SDHAF4: variants seen among roughly 807,000 people sequenced by gnomAD.
The protein encoded by SDHAF4 is succinate dehydrogenase complex assembly factor 4, also known as succinate dehydrogenase assembly factor 4, mitochondrial.
A neutral mutation model predicts 14.3 loss-of-function variants in SDHAF4; 14 were observed. The ratio of observed to expected loss-of-function variants is 0.98; its 90% CI spans 0.65 to 1.53. SDHAF4 has a LOEUF of 1.53. Ranked by LOEUF, SDHAF4 falls within the 40% of genes most tolerant of loss-of-function variation. The pLI is 0.00. For synonymous variants in SDHAF4, 63 were observed against 47.3 expected, an observed-to-expected ratio of 1.33 and a Z score of -1.36; for missense variants, 141 against 129.3, an observed-to-expected ratio of 1.09 and a Z score of -0.44.
At chr6:70,589,859 C>A (rs1385044320), downstream of SDHAF4, among the ~76,000 whole-genome samples, 1 of 152,138 alleles carries the variant, frequency 6.6e-6, no homozygotes, top group African/African-American at 2.4e-5. Context: ...ACTGGTGGGA[C>A]CTTAATTCCA....
chr6:70,582,209 G>A (rs1485091164), intron 2 of SDHAF4, among the ~76,000 whole-genome samples: 3 of 151,852 alleles, frequency 2.0e-5, no homozygotes, highest in Non-Finnish European at 4.4e-5. Flanking sequence ...CTACAGGCAC[G>A]CACCACCACA....
intron 2 of SDHAF4, among the ~76,000 whole-genome samples, chr6:70,585,652 C>G (rs924322126): frequency 6.6e-6 from 1 of 152,158 alleles, no homozygotes; most frequent in East Asian, 1.9e-4. Flanking sequence ...GTTAGAGAGG[C>G]CTTCAAGGGA....
At chr6:70,569,623 C>T (rs181567935) in intron 1 of SDHAF4, among the ~76,000 whole-genome samples, 2 of 152,280 alleles carry the variant, frequency 1.3e-5, no homozygotes, top group East Asian at 3.9e-4. Flanking sequence ...ACGTAAGTGT[C>T]AAATACCTCA....
intron 2 of SDHAF4, among the ~76,000 whole-genome samples, chr6:70,581,979 T>C (rs1053699097): frequency 2.6e-5 from 4 of 152,172 alleles, no homozygotes; most frequent in African/African-American, 9.7e-5. Context: ...CTCCTCTGCC[T>C]CCGCCCAACA....
chr6:70,580,818 G>A (rs368687087), intron 2 of SDHAF4, among the ~76,000 whole-genome samples: 5 of 152,108 alleles, frequency 3.3e-5, no homozygotes, highest in Non-Finnish European at 7.4e-5. Flanking sequence ...CAGGGACTCC[G>A]GGGACTAAGG....
At chr6:70,597,299 A>ATTTTTTTTTTT in the SDHAF4 span, among the ~76,000 whole-genome samples, 52 of 108,090 alleles carry the variant, frequency 4.8e-4, no homozygotes, top group African/African-American at 1.4e-3. Context: ...CGCCTGGCTA[A>ATTTTTTTTTTT]TTTTTTTTTT....
At chr6:70,572,883 AT>A (rs752076426) in intron 1 of SDHAF4, among the ~76,000 whole-genome samples, 22 of 152,252 alleles carry the variant, frequency 1.4e-4, no homozygotes, top group South Asian at 8.3e-4. Flanking sequence ...ACCTATAAAG[AT>A]TTTGATTTTG....
rs1331691631 is a variant in SDHAF4, at chr6:70,589,464, C to G, written c.*740C>G. 1 of 152,176 alleles carries G rather than the reference C, an allele frequency of 6.6e-6. No homozygotes were observed. Among genetic ancestry groups the G allele is most frequent in the Non-Finnish European group, 1.5e-5 (1 of 68,040 alleles). The allele number at this position is 152,176 out of a possible 1,614,324, so 9.4% of individuals were successfully genotyped here. On this transcript the variant is annotated 3_prime_UTR_variant, in exon 3 of 3. Transcript: ENST00000370474. ...TGCAGGTGTGAGCCACCACGCCCAG[C>G]CTAGAAATGATTCTTAGAGCTGTAG...
chr6:70,578,541 C>A (rs2842081), intron 1 of SDHAF4, among the ~76,000 whole-genome samples: 48,908 of 152,020 alleles, frequency 0.32, 12,375 homozygotes, highest in African/African-American at 0.7. Context: ...CTCTGTTGAG[C>A]GTTTCTTTTG....
chr6:70,573,151 A>G (rs1802206633), intron 1 of SDHAF4, among the ~76,000 whole-genome samples: 1 of 151,568 alleles, frequency 6.6e-6, no homozygotes, highest in Non-Finnish European at 1.5e-5. Context: ...TGCCCAGCTA[A>G]TCTTTCATTA....
At position 70,589,175 on chromosome 6, in the gene SDHAF4, G is replaced by A. The variant is rs1021087494; in HGVS notation, c.*451G>A. 1 of 151,644 alleles carries A rather than the reference G, an allele frequency of 6.6e-6. No individual in the cohort carries two copies. The highest frequency in any genetic ancestry group is 1.5e-5 in the Non-Finnish European group (1 of 67,944). The allele number at this position is 151,644 out of a possible 1,614,324, so 9.4% of individuals were successfully genotyped here. A position where few individuals can be genotyped will look rare whatever the true frequency, so the allele number is the denominator to read the frequency against. ...TTTAATGAGTATAGAAATGATTCTT[G>A]TTTTTTTGAGACAGAGTCTCTCTCT... On this transcript the variant is annotated 3_prime_UTR_variant, in exon 3 of 3. Transcript: ENST00000370474.
chr6:70,590,223 G>A (rs1212207141), downstream of SDHAF4, among the ~76,000 whole-genome samples: 1 of 133,786 alleles, frequency 7.5e-6, no homozygotes, highest in Non-Finnish European at 1.6e-5. Flanking sequence ...GGGTGACAGA[G>A]CAAGACCCTG....
intron 1 of SDHAF4, among the ~76,000 whole-genome samples, chr6:70,572,560 AATG>A (rs1250950946): frequency 2.0e-5 from 3 of 152,208 alleles, no homozygotes; most frequent in African/African-American, 7.2e-5. Flanking sequence ...TCAATTAAAA[AATG>A]AAGACTATAT....
intron 1 of SDHAF4, among the ~76,000 whole-genome samples, chr6:70,568,064 C>G (rs1358704050): frequency 6.6e-6 from 1 of 152,176 alleles, no homozygotes; most frequent in Non-Finnish European, 1.5e-5. Context: ...CAAATGGTGC[C>G]AGATTTCTAT....
chr6:70,577,342 ACT>A (rs2128534722), intron 1 of SDHAF4, among the ~76,000 whole-genome samples: 1 of 151,846 alleles, frequency 6.6e-6, no homozygotes, highest in Admixed American at 6.6e-5. Context: ...TGTAGCTAGA[ACT>A]TGTACTCAAA....
chr6:70,574,705 G>A (rs933459691), intron 1 of SDHAF4, among the ~76,000 whole-genome samples: 1 of 152,106 alleles, frequency 6.6e-6, no homozygotes, highest in Non-Finnish European at 1.5e-5. Context: ...GGAGGCAAGA[G>A]GATCACTTGA....
At chr6:70,595,233 T>C in the SDHAF4 span, among the ~76,000 whole-genome samples, 1 of 152,180 alleles carries the variant, frequency 6.6e-6, no homozygotes, top group Non-Finnish European at 1.5e-5. Flanking sequence ...GCTCCCAGGC[T>C]ACTCTTGAAT....
At chr6:70,580,165 A>G (rs1029410855) in intron 2 of SDHAF4, among the ~76,000 whole-genome samples, 25 of 152,318 alleles carry the variant, frequency 1.6e-4, no homozygotes, top group African/African-American at 5.1e-4. Context: ...GTATTTGAGT[A>G]GACATTTCTC....
intron 1 of SDHAF4, among the ~76,000 whole-genome samples, chr6:70,578,854 A>G (rs2691489): frequency 0.085 from 13,001 of 152,124 alleles, 1,829 homozygotes; most frequent in African/African-American, 0.29. Context: ...CCATAAAACA[A>G]TCTTTTTTTA....
Sources: allele counts gnomAD v4.1 joint callset (sites outside exome capture counted in the v4.1 genomes callset), GRCh38; gene constraint gnomAD v4.1.1; transcripts MANE v1.5; gene names NCBI Gene and HGNC (gene_info 2026-07-23, HGNC 2026-07-21).